The following KANSL1L variants were observed in gnomAD, a reference collection of about 807,000 sequenced individuals.
KANSL1L encodes KAT8 regulatory NSL complex subunit 1-like protein.
Under a neutral mutation model 108.6 loss-of-function variants are expected in KANSL1L, and 25 were observed. The ratio of observed to expected loss-of-function variants is 0.23; its 90% CI spans 0.17 to 0.32. KANSL1L has a LOEUF of 0.32. Among genes scored for constraint, KANSL1L ranks in the 10% least tolerant of loss-of-function variants. The probability of loss-of-function intolerance (pLI) is 1.00; values close to 1 mark genes in which losing one functional copy is unlikely to be tolerated. For synonymous variants in KANSL1L, 405 were observed against 395.1 expected, an observed-to-expected ratio of 1.03 and a Z score of -0.30; for missense variants, 1,137 against 1,125.7, an observed-to-expected ratio of 1.01 and a Z score of -0.14.
chr2:210,170,532 C>A, intron 1 of KANSL1L: 1 of 215,006 alleles, frequency 4.7e-6, no homozygotes, highest in Non-Finnish European at 8.0e-6. Flanking sequence ...TCCAGCAAGA[C>A]CGGTCCCTTC....
intron 1 of KANSL1L, among the ~76,000 whole-genome samples, chr2:210,167,953 TA>T (rs1362352027): frequency 1.3e-5 from 2 of 151,920 alleles, no homozygotes; most frequent in Non-Finnish European, 2.9e-5. Context: ...AAAGTCCCCA[TA>T]AAACAACATT....
chr2:210,137,565 T>C (rs566218659), intron 2 of KANSL1L, among the ~76,000 whole-genome samples: 1 of 152,288 alleles, frequency 6.6e-6, no homozygotes, highest in South Asian at 2.1e-4. Flanking sequence ...AAATGAAAAA[T>C]ATTTCTGACA....
At chr2:210,090,980 G>A (rs2094688741) in intron 5 of KANSL1L, among the ~76,000 whole-genome samples, 1 of 151,940 alleles carries the variant, frequency 6.6e-6, no homozygotes, top group Non-Finnish European at 1.5e-5. Context: ...TAATTTTCAG[G>A]TCACAGAGGA....
At chr2:210,146,498 T>C (rs1285385485) in intron 2 of KANSL1L, among the ~76,000 whole-genome samples, 1 of 152,230 alleles carries the variant, frequency 6.6e-6, no homozygotes, top group Non-Finnish European at 1.5e-5. Context: ...CTATTCTGGT[T>C]TCTCCATATA....
intron 5 of KANSL1L, chr2:210,096,377 G>T: frequency 2.6e-6 from 1 of 379,948 alleles, no homozygotes; most frequent in Non-Finnish European, 3.6e-6. Flanking sequence ...TTATTCACAA[G>T]TGAAGACTTC....
At chr2:210,121,193 T>C (rs1470957659) in intron 3 of KANSL1L, among the ~76,000 whole-genome samples, 2 of 152,136 alleles carry the variant, frequency 1.3e-5, no homozygotes, top group Non-Finnish European at 2.9e-5. Context: ...GATACACACA[T>C]GTGTACGTTT....
chr2:210,123,622 G>C (rs1488060566), intron 3 of KANSL1L, among the ~76,000 whole-genome samples: 1 of 151,976 alleles, frequency 6.6e-6, no homozygotes, highest in Non-Finnish European at 1.5e-5. Context: ...ACAACAGGGT[G>C]ACTACAGTCA....
chr2:210,170,988 A>T (rs1559624734), intron 1 of KANSL1L, among the ~76,000 whole-genome samples, 161 bp downstream of exon 1: 2 of 150,754 alleles, frequency 1.3e-5, no homozygotes. Context: ...TGCCGAGACC[A>T]GAGTCCAGCA....
In KANSL1L at chr2:210,040,491, T is replaced by G. The variant is rs374957200; in HGVS notation, c.1958A>C (p.Lys653Thr). 6.4e-7 allele frequency: 1 copy of G among 1,566,232 alleles called. No individual in the cohort carries two copies. Among genetic ancestry groups the G allele is most frequent in the Non-Finnish European group, 8.7e-7 (1 of 1,149,062 alleles). Residue 653 changes from lysine (K) to threonine (T), a missense_variant, in exon 8 of 15, where the codon AAA becomes ACA. Transcript: ENST00000281772. ...PLHFHFETLL[K>T]KTEIKGNLAE... is the part of the protein sequence containing the mutation. ...AAGATTGCCTTTTATTTCAGTCTTT[T>G]TTAACAGTGTTTCAAAGTGAAAATG...
At chr2:210,045,844 T>C (rs1282902621) in intron 6 of KANSL1L, among the ~76,000 whole-genome samples, 2 of 152,228 alleles carry the variant, frequency 1.3e-5, no homozygotes, top group Non-Finnish European at 2.9e-5. Context: ...AATGTGCCTT[T>C]TTTGCTCTGG....
intron 4 of KANSL1L, among the ~76,000 whole-genome samples, chr2:210,099,255 C>A (rs2094769507): frequency 1.3e-5 from 2 of 152,020 alleles, no homozygotes; most frequent in African/African-American, 4.8e-5. Context: ...TATAGTGTGA[C>A]CAACTTTTTA....
intron 6 of KANSL1L, among the ~76,000 whole-genome samples, chr2:210,061,298 G>C (rs1270260650): frequency 2.0e-5 from 3 of 152,132 alleles, no homozygotes; most frequent in East Asian, 3.8e-4. Flanking sequence ...TTGGATGCCA[G>C]AGGCCTCTGT....
chr2:210,126,837 T>C (rs1368316720), intron 3 of KANSL1L, among the ~76,000 whole-genome samples: 2 of 151,896 alleles, frequency 1.3e-5, no homozygotes, highest in African/African-American at 2.4e-5. Flanking sequence ...TATAAATAAA[T>C]AACAAATCTG....
At chr2:210,025,008 T>G (rs767397210) in intron 13 of KANSL1L, 96 bp downstream of exon 13, 1 of 754,794 alleles carries the variant, frequency 1.3e-6, no homozygotes, top group Non-Finnish European at 2.4e-6. Flanking sequence ...TACAACAGCA[T>G]GTTTTCCTTT....
At chr2:210,167,442 G>C (rs535099892) in intron 1 of KANSL1L, among the ~76,000 whole-genome samples, 2 of 152,042 alleles carry the variant, frequency 1.3e-5, no homozygotes, top group African/African-American at 4.8e-5. Context: ...ACTTCAAGCA[G>C]AATTATTACT....
chr2:210,094,930 A>C (rs2094723346), intron 5 of KANSL1L, among the ~76,000 whole-genome samples: 1 of 151,982 alleles, frequency 6.6e-6, no homozygotes, highest in Admixed American at 6.6e-5. Flanking sequence ...GGAAAATGAG[A>C]AGGAATAAGG....
chr2:210,030,024 G>C (rs1436198874), intron 9 of KANSL1L, 106 bp from the exon 10 acceptor site: 3 of 522,268 alleles, frequency 5.7e-6, no homozygotes, highest in Non-Finnish European at 3.3e-6. Flanking sequence ...TTTTGTGTGT[G>C]TGTGTTTAAA....
intron 1 of KANSL1L, chr2:210,170,352 A>C (rs1688261635): frequency 1.0e-6 from 1 of 985,362 alleles, no homozygotes; most frequent in Middle Eastern, 5.2e-4. Flanking sequence ...TTCAAACAAA[A>C]AAACAAACAA....
At chr2:210,057,587 G>C (rs1205617415) in intron 6 of KANSL1L, among the ~76,000 whole-genome samples, 1 of 152,192 alleles carries the variant, frequency 6.6e-6, no homozygotes, top group Non-Finnish European at 1.5e-5. Context: ...TGTAGTCCCA[G>C]CTACTCGGGA....
Sources: allele counts gnomAD v4.1 joint callset (sites outside exome capture counted in the v4.1 genomes callset), GRCh38; gene constraint gnomAD v4.1.1; transcripts MANE v1.5; gene names NCBI Gene and HGNC (gene_info 2026-07-23, HGNC 2026-07-21).